CCDC102B: variants seen among roughly 807,000 people sequenced by gnomAD.
The protein encoded by CCDC102B is coiled-coil domain containing 102B.
In CCDC102B, 75 loss-of-function variants were observed where a neutral mutation model predicts 57.4. The ratio of observed to expected loss-of-function variants is 1.31; its 90% CI spans 1.08 to 1.58. The LOEUF is 1.58. Ranked by LOEUF, CCDC102B falls within the 40% of genes most tolerant of loss-of-function variation. The probability of loss-of-function intolerance (pLI) is 0.00; values close to 1 mark genes in which losing one functional copy is unlikely to be tolerated. For missense variants in CCDC102B, 636 were observed against 582.6 expected (o/e 1.09, Z -0.94); for synonymous variants, 206 against 201.9 (o/e 1.02, Z -0.17).
chr18:68,942,124 A>T (rs1167261939), intron 6 of CCDC102B, among the ~76,000 whole-genome samples: 1 of 152,124 alleles, frequency 6.6e-6, no homozygotes, highest in Admixed American at 6.6e-5. Flanking sequence ...TAAGAGTCAG[A>T]AATTAATTTC....
rs191594066 is a variant in CCDC102B, at chr18:68,996,187, A to G, written c.1264-14747A>G. ...CTACAATCAGGGTGGGCATCATCTAATCATCTAAAAGACCAGCTAGGATAA... is the reference window on the plus strand; with the variant it reads ...CTACAATCAGGGTGGGCATCATCTAGTCATCTAAAAGACCAGCTAGGATAA... On this transcript the variant is annotated intron_variant, in intron 6 of 7. Coordinates refer to ENST00000360242, the MANE Select transcript of CCDC102B (RefSeq NM_024781.3). Among the ~76,000 whole-genome samples the G allele has an allele frequency of 2.9e-3, 446 of 152,264 alleles. 1 individual carries two copies. Among genetic ancestry groups the G allele is most frequent in the Non-Finnish European group, 5.6e-3 (381 of 68,022 alleles).
intron 2 of CCDC102B, among the ~76,000 whole-genome samples, chr18:68,733,506 A>ATATATATATATATATATATATATATATT: frequency 1.1e-5 from 1 of 87,644 alleles, no homozygotes; most frequent in Non-Finnish European, 2.3e-5. Flanking sequence ...ATATATATAT[A>ATATATATATATATATATATATATATATT]TTTTTTTAAC....
chr18:68,863,895 T>G (rs2038864944), intron 4 of CCDC102B, among the ~76,000 whole-genome samples: 1 of 151,952 alleles, frequency 6.6e-6, no homozygotes, highest in Non-Finnish European at 1.5e-5. Flanking sequence ...CATCAATTTT[T>G]TATAGGTTTC....
intron 6 of CCDC102B, among the ~76,000 whole-genome samples, chr18:68,978,806 A>C (rs534247793): frequency 6.6e-6 from 1 of 152,194 alleles, no homozygotes; most frequent in South Asian, 2.1e-4. Context: ...CATTTTCCAT[A>C]GTAGCCCCAA....
intron 6 of CCDC102B, among the ~76,000 whole-genome samples, chr18:69,000,083 C>T (rs1411064174): frequency 6.6e-6 from 1 of 152,124 alleles, no homozygotes; most frequent in Non-Finnish European, 1.5e-5. Flanking sequence ...ATGTTTCTTT[C>T]TAAGTCCCTC....
chr18:68,887,906 A>G (rs1163873990), intron 5 of CCDC102B, among the ~76,000 whole-genome samples: 1 of 152,200 alleles, frequency 6.6e-6, no homozygotes, highest in Admixed American at 6.5e-5. Context: ...TTGACACCCA[A>G]GGCATACATT....
At chr18:68,793,512 T>C (rs559974349), upstream of CCDC102B, among the ~76,000 whole-genome samples, 6 of 152,282 alleles carry the variant, frequency 3.9e-5, no homozygotes, top group South Asian at 1.2e-3. Flanking sequence ...TTTGATAGTA[T>C]ATCTTTCTAA....
At position 69,054,449 on chromosome 18, in the gene CCDC102B, A is replaced by G. The variant is rs1473577808; in HGVS notation, c.*312A>G. 8 of 1,030,888 alleles carry G rather than the reference A, an allele frequency of 7.8e-6. No individual in the cohort carries two copies. Among genetic ancestry groups the G allele is most frequent in the Admixed American group, 5.7e-5 (1 of 17,542 alleles). 63.9% of individuals were successfully genotyped at this position (1,030,888 alleles called of 1,614,324 possible). A position where few individuals can be genotyped will look rare whatever the true frequency, so the allele number is the denominator to read the frequency against. ...CTGAAAGAGTTATAATATCGGTAAG[A>G]AAAAGTAAGTTGAAAACCATACAAG... On this transcript the variant is annotated 3_prime_UTR_variant, in exon 8 of 8. Coordinates refer to ENST00000360242, the MANE Select transcript of CCDC102B (RefSeq NM_024781.3).
intron 6 of CCDC102B, among the ~76,000 whole-genome samples, chr18:68,996,647 C>G (rs1389496012): frequency 6.6e-6 from 1 of 152,202 alleles, no homozygotes; most frequent in African/African-American, 2.4e-5. Flanking sequence ...TTTGGAACAG[C>G]TGTATTTACC....
At chr18:68,954,019 T>TTA (rs1218173029) in intron 6 of CCDC102B, among the ~76,000 whole-genome samples, 1 of 152,168 alleles carries the variant, frequency 6.6e-6, no homozygotes, top group African/African-American at 2.4e-5. Context: ...ATGTATCATT[T>TTA]TATATAGGGG....
intron 6 of CCDC102B, among the ~76,000 whole-genome samples, chr18:68,939,818 CTTA>C (rs1460847068): frequency 6.6e-5 from 10 of 151,778 alleles, no homozygotes; most frequent in East Asian, 1.9e-4. Context: ...CATGCAGACA[CTTA>C]TTATCCTATT....
intron 2 of CCDC102B, among the ~76,000 whole-genome samples, chr18:68,756,456 T>G (rs2034054797): frequency 6.6e-6 from 1 of 152,196 alleles, no homozygotes; most frequent in African/African-American, 2.4e-5. Context: ...CTACTAAATT[T>G]GCATACTTCA....
chr18:68,776,014 T>A (rs1336503828), intron 2 of CCDC102B, among the ~76,000 whole-genome samples: 1 of 152,156 alleles, frequency 6.6e-6, no homozygotes, highest in Non-Finnish European at 1.5e-5. Context: ...CTGTAATATA[T>A]CTTTGATTAT....
Position 68,854,308 on chromosome 18 carries a change from T to C in CCDC102B, c.936+7887T>C, listed in dbSNP as rs373238328. 7.9e-5 allele frequency among the ~76,000 whole-genome samples: 12 copies of C among 152,112 alleles called. No homozygotes were observed. In the East Asian group the frequency reaches 2.1e-3, roughly 27 times the overall value. On this transcript the variant is annotated intron_variant, in intron 4 of 7. Transcript: ENST00000360242. Reference sequence around the variant, plus strand: ...AGAGAAAGGGATTCTCCATGTTAGTTAGGCTGGTCTGGAACTCCCGACCTC... The same window carrying C: ...AGAGAAAGGGATTCTCCATGTTAGTCAGGCTGGTCTGGAACTCCCGACCTC...
At chr18:68,825,063 A>C (rs2036853343) in intron 1 of CCDC102B, among the ~76,000 whole-genome samples, 1 of 152,120 alleles carries the variant, frequency 6.6e-6, no homozygotes, top group South Asian at 2.1e-4. Context: ...GCTGTCCACA[A>C]GTTTCATTGT....
chr18:68,998,999 T>TAGAGAG (rs60271182), intron 6 of CCDC102B, among the ~76,000 whole-genome samples: 1 of 43,344 alleles, frequency 2.3e-5, no homozygotes, highest in African/African-American at 7.8e-5. Context: ...TATATATATA[T>TAGAGAG]AGAGAGAGAG....
chr18:68,999,538 AG>A (rs2051143658), intron 6 of CCDC102B, among the ~76,000 whole-genome samples: 1 of 151,924 alleles, frequency 6.6e-6, no homozygotes, highest in African/African-American at 2.4e-5. Context: ...CCTGGGAAAA[AG>A]AGGTTGCTGT....
rs2052772294 is a variant in CCDC102B, at chr18:69,054,033, G to T, written c.1438G>T (p.Asp480Tyr). ...GCATTTTCTACTTCGCTTTCAGCTT[G>T]ATGATTCCCTGAATCAGATCCGTAA... ...QGLNQKEDEL[D>Y]DSLNQIRKLQ... The change falls in exon 8 of 8, where the codon GAT becomes TAT. Residue 480 changes from aspartate to tyrosine, a missense_variant. By Grantham distance (160) the Asp-to-Tyr change is radical. Coordinates refer to ENST00000360242, the MANE Select transcript of CCDC102B (RefSeq NM_024781.3). 4 of 1,600,080 alleles carry T rather than the reference G, an allele frequency of 2.5e-6. No individual in the cohort carries two copies. Among genetic ancestry groups the T allele is most frequent in the African/African-American group, 1.4e-5 (1 of 74,054 alleles).
chr18:68,940,059 A>AT (rs1250313004), intron 6 of CCDC102B, among the ~76,000 whole-genome samples: 3 of 151,284 alleles, frequency 2.0e-5, no homozygotes, highest in Non-Finnish European at 1.5e-5. Context: ...TCAGTATTCC[A>AT]TTTTTTTTAG....
Sources: gnomAD v4.1 joint callset for allele counts (sites outside exome capture counted in the v4.1 genomes callset) on GRCh38, gnomAD v4.1.1 for gene constraint, MANE v1.5 for transcripts, NCBI Gene and HGNC (gene_info 2026-07-23, HGNC 2026-07-21) for gene names.